Variants in TTC7A observed in about 807,000 individuals in gnomAD.
TTC7A encodes tetratricopeptide repeat protein 7A.
TTC7A carries 110 observed loss-of-function variants against 103.7 expected under a neutral mutation model. The ratio of observed to expected loss-of-function variants is 1.06; its 90% CI spans 0.91 to 1.24. The LOEUF (loss-of-function observed/expected upper bound fraction) is 1.24, where lower values mean the gene tolerates loss of function less well. Ranked by LOEUF, TTC7A falls within the 50% of genes most tolerant of loss-of-function variation. The pLI is 0.00. For missense variants in TTC7A, 1,340 were observed against 1,116.3 expected (o/e 1.20, Z -2.86); for synonymous variants, 521 against 467.9 (o/e 1.11, Z -1.47).
intron 19 of TTC7A, 73 bp downstream of exon 19, chr2:47,061,044 C>A (rs1313254074): frequency 3.5e-6 from 5 of 1,443,912 alleles, no homozygotes; most frequent in Admixed American, 2.1e-5. Context: ...TTTGTCCCTC[C>A]TTGTCCCCAT....
In TTC7A at chr2:46,956,829, G is replaced by A. The variant is rs762881043; in HGVS notation, c.349-10G>A. 4 of 1,613,968 alleles carry A rather than the reference G, an allele frequency of 2.5e-6. No individual in the cohort carries two copies. The South Asian group carries it at 3.3e-5, about 13-fold the overall frequency. On this transcript the variant is annotated splice_polypyrimidine_tract_variant and intron_variant, in intron 2 of 19. Coordinates refer to ENST00000319190, the MANE Select transcript of TTC7A (RefSeq NM_020458.4). The stretch of plus-strand genomic sequence containing the variant: ...GGGCAGGCGCTGGTAACATGTCCTT[G>A]TCATTTCAGCCACAGTACATGTGTG...
intron 15 of TTC7A, chr2:47,040,241 G>A (rs1337711147): frequency 6.6e-6 from 1 of 152,344 alleles, no homozygotes; most frequent in Non-Finnish European, 1.5e-5. Context: ...TGGGGCTGCA[G>A]AGAGTACCAA....
intron 3 of TTC7A, among the ~76,000 whole-genome samples, chr2:46,969,892 G>A (rs1211973947): frequency 6.6e-6 from 1 of 152,162 alleles, no homozygotes; most frequent in African/African-American, 2.4e-5. Flanking sequence ...GCAGGAAAAA[G>A]GCACATACTT....
intron 8 of TTC7A, among the ~76,000 whole-genome samples, chr2:47,005,006 C>G (rs909135690): frequency 6.6e-6 from 1 of 152,132 alleles, no homozygotes; most frequent in Non-Finnish European, 1.5e-5. Flanking sequence ...GAGGAGCTCC[C>G]CTCTTGGAAT....
chr2:46,922,144 A>C (rs1289610757), intron 2 of TTC7A, among the ~76,000 whole-genome samples: 1 of 152,102 alleles, frequency 6.6e-6, no homozygotes, highest in Non-Finnish European at 1.5e-5. Context: ...TAGGGTCATC[A>C]AACAACAACT....
rs149087724 is a variant in TTC7A at position 46,934,415 on chromosome 2, C to T, written c.83-15948C>T. ...CTGGTATTATAGATGCATGCCACCA[C>T]GCCCAGCTAATTTTTGTATTTTTAG... On this transcript the variant is annotated intron_variant, in intron 2 of 20. Coordinates refer to the TTC7A transcript ENST00000409245. Among the ~76,000 whole-genome samples the T allele has an allele frequency of 5.2e-3, 792 of 152,268 alleles. 6 individuals are homozygous for T. The highest frequency in any genetic ancestry group is 0.018 in the African/African-American group (758 of 41,548).
At chr2:47,017,766 G>C (rs1211130362) in intron 11 of TTC7A, among the ~76,000 whole-genome samples, 1 of 152,084 alleles carries the variant, frequency 6.6e-6, no homozygotes, top group Non-Finnish European at 1.5e-5. Context: ...AAGGCAGGCA[G>C]TAATGTCTAC....
upstream of TTC7A, among the ~76,000 whole-genome samples, chr2:46,937,628 G>T (rs4508650): frequency 7.9e-4 from 121 of 152,284 alleles, no homozygotes; most frequent in African/African-American, 2.8e-3. This position sits in a 1 kb window ranked among gnomAD's most constrained non-coding sequence, Gnocchi z 4.0. Context: ...TGTAGAGACA[G>T]GGTCTCACTA....
intron 11 of TTC7A, among the ~76,000 whole-genome samples, chr2:47,016,292 A>G (rs1678648985): frequency 6.6e-6 from 1 of 152,262 alleles, no homozygotes; most frequent in Non-Finnish European, 1.5e-5. Flanking sequence ...GAGAAAAATG[A>G]AACCCTCCAG....
intron 14 of TTC7A, 65 bp from the exon 15 acceptor site, chr2:47,029,159 G>T (rs1293868606): frequency 1.3e-6 from 2 of 1,581,778 alleles, no homozygotes; most frequent in African/African-American, 1.3e-5. Context: ...TGACTGGCAC[G>T]TGGCTCCTGA....
At chr2:47,003,663 G>A (rs72806573) in intron 8 of TTC7A, among the ~76,000 whole-genome samples, 44 of 152,312 alleles carry the variant, frequency 2.9e-4, no homozygotes, top group Admixed American at 5.2e-4. Context: ...AGACTGCCTG[G>A]CTCCACCCGC....
intron 18 of TTC7A, among the ~76,000 whole-genome samples, chr2:47,058,456 G>C (rs972235484): frequency 6.6e-6 from 1 of 152,080 alleles, no homozygotes; most frequent in African/African-American, 2.4e-5. Context: ...TACTGGGACA[G>C]GAAGAGGGAA....
chr2:47,046,142 C>T (rs1410824412), intron 15 of TTC7A, among the ~76,000 whole-genome samples, 173 bp from the exon 16 acceptor site: 4 of 152,226 alleles, frequency 2.6e-5, no homozygotes, highest in Non-Finnish European at 4.4e-5. Flanking sequence ...GAAACTGAGG[C>T]ACACAGAGAA....
At chr2:47,003,731 T>A (rs1220143914) in intron 8 of TTC7A, among the ~76,000 whole-genome samples, 2 of 152,200 alleles carry the variant, frequency 1.3e-5, no homozygotes, top group Non-Finnish European at 2.9e-5. Flanking sequence ...CTCGGGGATG[T>A]GCATCCTATA....
At chr2:46,988,398 C>T (rs866655410) in intron 5 of TTC7A, among the ~76,000 whole-genome samples, 14 of 152,330 alleles carry the variant, frequency 9.2e-5, no homozygotes, top group Admixed American at 2.6e-4. Flanking sequence ...CTGATTCACC[C>T]GTTCAGCTGT....
At chr2:46,996,815 T>C (rs1033943938) in intron 8 of TTC7A, among the ~76,000 whole-genome samples, 4 of 152,216 alleles carry the variant, frequency 2.6e-5, no homozygotes, top group African/African-American at 9.6e-5. Flanking sequence ...GGGCCCTTAC[T>C]CTGACCACAG....
chr2:47,005,021 C>A (rs943152701), intron 8 of TTC7A, among the ~76,000 whole-genome samples: 4 of 152,184 alleles, frequency 2.6e-5, no homozygotes, highest in Admixed American at 6.5e-5. Flanking sequence ...TGGAATTAGA[C>A]AGAATTTCCC....
chr2:47,060,809 T>G lies in TTC7A; in HGVS notation c.2193T>G (p.Gly731=). ...AGCAGCAGCACCTCAAGGAAGCAGG[T>G]TTCTGCATCCAGGAGGCGGCGGGCC... ...FMEQQHLKEA[G]FCIQEAAGLF... is the part of the protein sequence containing the mutation. Residue 731 remains glycine, a synonymous_variant, in exon 19 of 20, where the codon GGT becomes GGG. Transcript: ENST00000319190. The G allele has an allele frequency of 6.2e-7, 1 of 1,613,012 alleles. No homozygotes were observed. The highest frequency in any genetic ancestry group is 8.5e-7 in the Non-Finnish European group (1 of 1,179,166).
intron 1 of TTC7A, among the ~76,000 whole-genome samples, chr2:46,943,617 T>C (rs774364541): frequency 2.0e-5 from 3 of 152,110 alleles, no homozygotes; most frequent in Non-Finnish European, 2.9e-5. Context: ...GCGTAGAGCA[T>C]TGTTTGGATT....
Sources: gnomAD v4.1 joint callset for allele counts (sites outside exome capture counted in the v4.1 genomes callset) on GRCh38, gnomAD v4.1.1 for gene constraint, Gnocchi (gnomAD v3.1) non-coding constraint, MANE v1.5 for transcripts, NCBI Gene and HGNC (gene_info 2026-07-23, HGNC 2026-07-21) for gene names.